KCND3: variants seen among roughly 807,000 people sequenced by gnomAD.
KCND3 encodes potassium voltage-gated channel subfamily D member 3.
In KCND3, 9 loss-of-function variants were observed where a neutral mutation model predicts 51.1. The observed-to-expected ratio is 0.18, with a 90% confidence interval of 0.11 to 0.31. The LOEUF (loss-of-function observed/expected upper bound fraction) is 0.31, where lower values mean the gene tolerates loss of function less well. KCND3 is among the 10% of genes least tolerant of loss of function. The pLI is 1.00. For missense variants in KCND3, 526 were observed against 903.8 expected (o/e 0.58, Z 5.36); for synonymous variants, 349 against 368.0 (o/e 0.95, Z 0.59).
intron 2 of KCND3, among the ~76,000 whole-genome samples, chr1:111,818,438 A>C (rs776984646): frequency 3.3e-5 from 5 of 152,226 alleles, no homozygotes; most frequent in African/African-American, 4.8e-5. Flanking sequence ...CTTGGCTAAA[A>C]GGCCAAGGGG....
intron 2 of KCND3, among the ~76,000 whole-genome samples, chr1:111,820,573 G>C (rs1430090906): frequency 6.6e-6 from 1 of 152,084 alleles, no homozygotes; most frequent in African/African-American, 2.4e-5. Context: ...AACTCTATTT[G>C]GCTCTAAAGT....
chr1:111,776,908 T>G, intron 7 of KCND3, 118 bp downstream of exon 7: 1 of 1,542,438 alleles, frequency 6.5e-7, no homozygotes. Flanking sequence ...GAGGGGCTCA[T>G]GCATTAGATA....
intron 2 of KCND3, among the ~76,000 whole-genome samples, chr1:111,888,031 C>T (rs1453061370): frequency 6.6e-6 from 1 of 152,242 alleles, no homozygotes; most frequent in Non-Finnish European, 1.5e-5. Context: ...GTACCCCTGG[C>T]TGGGTGTACC....
chr1:111,932,017 G>C (rs1671996964), intron 2 of KCND3, among the ~76,000 whole-genome samples: 1 of 152,230 alleles, frequency 6.6e-6, no homozygotes. Context: ...GCCTCCCTGG[G>C]TTAGCCCTTG....
intron 2 of KCND3, among the ~76,000 whole-genome samples, chr1:111,806,214 G>T (rs961577531): frequency 2.0e-5 from 3 of 152,194 alleles, no homozygotes; most frequent in African/African-American, 7.2e-5. Context: ...TTCAACAGAG[G>T]CCTTCTACAC....
chr1:111,963,060 A>G lies in KCND3; in HGVS notation c.1106+18561T>C, dbSNP rs141525291. Among the ~76,000 whole-genome samples, 471 of 152,224 alleles carry G rather than the reference A, an allele frequency of 3.1e-3. 2 individuals carry two copies. Among genetic ancestry groups the G allele is most frequent in the Non-Finnish European group, 3.9e-3 (267 of 68,016 alleles). On this transcript the variant is annotated intron_variant, in intron 2 of 7. Transcript: ENST00000302127. Reference sequence around the variant, plus strand: ...CAGGAGATCTTGAGCAGGCCACCAGATATGTGATTGAGGCCATCCTAGACC... The same window carrying G: ...CAGGAGATCTTGAGCAGGCCACCAGGTATGTGATTGAGGCCATCCTAGACC...
At chr1:111,860,154 G>C (rs1668267725) in intron 2 of KCND3, among the ~76,000 whole-genome samples, 1 of 152,202 alleles carries the variant, frequency 6.6e-6, no homozygotes, top group African/African-American at 2.4e-5. Context: ...AGATAAATTA[G>C]TTTACTGAGC....
At chr1:111,978,629 CA>C (rs1226617953) in intron 2 of KCND3, among the ~76,000 whole-genome samples, 2 of 152,206 alleles carry the variant, frequency 1.3e-5, no homozygotes, top group Non-Finnish European at 2.9e-5. Flanking sequence ...TACTGCAGGG[CA>C]GCCCAGGGAA....
At chr1:111,858,151 C>T (rs1263366024) in intron 2 of KCND3, among the ~76,000 whole-genome samples, 2 of 152,210 alleles carry the variant, frequency 1.3e-5, no homozygotes, top group Non-Finnish European at 2.9e-5. Context: ...GCCTCCTTCT[C>T]ACCCGTGCCC....
chr1:111,930,983 C>CA (rs2101860781), intron 2 of KCND3, among the ~76,000 whole-genome samples: 1 of 152,316 alleles, frequency 6.6e-6, no homozygotes, highest in East Asian at 1.9e-4. Flanking sequence ...AGCCCCATCC[C>CA]ACGACACCCC....
intron 2 of KCND3, among the ~76,000 whole-genome samples, chr1:111,910,471 A>G (rs922687962): frequency 1.3e-5 from 2 of 152,180 alleles, no homozygotes; most frequent in African/African-American, 4.8e-5. Context: ...GGAGTAATTA[A>G]TCCTAAAGTT....
chr1:111,934,539 C>T (rs1482456780), intron 2 of KCND3, among the ~76,000 whole-genome samples: 2 of 152,214 alleles, frequency 1.3e-5, no homozygotes, highest in Admixed American at 1.3e-4. Context: ...AAATTAATCC[C>T]AGACCAGCGC....
intron 2 of KCND3, among the ~76,000 whole-genome samples, chr1:111,876,120 A>G (rs1008095049): frequency 2.0e-5 from 3 of 152,236 alleles, no homozygotes; most frequent in Admixed American, 1.3e-4. Flanking sequence ...TCACGTTTAT[A>G]TAATAGCTCA....
At chr1:111,966,476 C>G (rs991475949) in intron 2 of KCND3, among the ~76,000 whole-genome samples, 1 of 152,118 alleles carries the variant, frequency 6.6e-6, no homozygotes, top group East Asian at 1.9e-4. Flanking sequence ...GCTCTGCTTA[C>G]CCCCATAACC....
intron 2 of KCND3, among the ~76,000 whole-genome samples, chr1:111,893,990 T>G (rs1669980620): frequency 6.6e-6 from 1 of 152,142 alleles, no homozygotes; most frequent in Non-Finnish European, 1.5e-5. Context: ...TCCGGTCCCC[T>G]CTGCTCCCCA....
intron 2 of KCND3, among the ~76,000 whole-genome samples, chr1:111,892,850 C>T (rs1272918904): frequency 6.6e-6 from 1 of 152,178 alleles, no homozygotes. Context: ...GGAAGACTTT[C>T]TGAAAACCAC....
chr1:111,958,019 C>T (rs1317970784), intron 2 of KCND3, among the ~76,000 whole-genome samples: 1 of 152,142 alleles, frequency 6.6e-6, no homozygotes, highest in Non-Finnish European at 1.5e-5. Flanking sequence ...TCTCCACTGT[C>T]CTGCAACTCA....
At chr1:111,821,113 C>T (rs958837780) in intron 2 of KCND3, among the ~76,000 whole-genome samples, 4 of 152,210 alleles carry the variant, frequency 2.6e-5, no homozygotes, top group African/African-American at 9.6e-5. Context: ...TCTGTTTTTA[C>T]CCTTCTCATT....
intron 2 of KCND3, among the ~76,000 whole-genome samples, chr1:111,815,640 C>T (rs1666050938): frequency 6.6e-6 from 1 of 151,632 alleles, no homozygotes; most frequent in African/African-American, 2.4e-5. Context: ...ACCAACACCT[C>T]TGACCCTGCT....
Sources: gnomAD v4.1 joint callset for allele counts (sites outside exome capture counted in the v4.1 genomes callset) on GRCh38, gnomAD v4.1.1 for gene constraint, MANE v1.5 for transcripts, NCBI Gene and HGNC (gene_info 2026-07-23, HGNC 2026-07-21) for gene names.